CNTNAP4: variants seen among roughly 807,000 people sequenced by gnomAD.
The protein encoded by CNTNAP4 is contactin associated protein family member 4.
Under a neutral mutation model 148.4 loss-of-function variants are expected in CNTNAP4, and 98 were observed. The ratio of observed to expected loss-of-function variants is 0.66; its 90% confidence interval spans 0.56 to 0.78. The LOEUF is 0.78. Ranked by LOEUF, CNTNAP4 falls within the 30% of genes least tolerant of loss-of-function variation. The pLI, the probability that CNTNAP4 is intolerant of heterozygous loss-of-function variation, is 0.00. For missense variants in CNTNAP4, 1,935 were observed against 1,565.6 expected (o/e 1.24, Z -3.98); for synonymous variants, 730 against 565.1 (o/e 1.29, Z -4.14).
rs546728095 is a variant in CNTNAP4, at chr16:76,521,712, C to G, written c.2537-327C>G. On this transcript the variant is annotated intron_variant, in intron 16 of 23. Transcript: ENST00000611870. ...TGAGTTACTGTAACAGTTATTTTTACGTACAATGCCAGTTGCTATTTAGTT... is the reference window on the plus strand; with the variant it reads ...TGAGTTACTGTAACAGTTATTTTTAGGTACAATGCCAGTTGCTATTTAGTT... Among the ~76,000 whole-genome samples the G allele has an allele frequency of 2.6e-5, 4 of 152,202 alleles. No homozygotes were observed. The South Asian group carries it at 8.3e-4, about 32-fold the overall frequency.
rs1344925059 is a variant in CNTNAP4, at chr16:76,303,862, C to T, written c.86-12551C>T. Among the ~76,000 whole-genome samples, 6 of 152,088 alleles carry T rather than the reference C, an allele frequency of 3.9e-5. No individual in the cohort carries two copies. In the East Asian group the frequency reaches 1.2e-3, roughly 29 times the overall value. Reference sequence around the variant, plus strand: ...CTTTTTAAGTAATTCAGTAAAATCCCCTTTTTTTTTAAGAGGGAAGGATAG... The same window carrying T: ...CTTTTTAAGTAATTCAGTAAAATCCTCTTTTTTTTTAAGAGGGAAGGATAG... On this transcript the variant is annotated intron_variant, in intron 1 of 23. Transcript: ENST00000611870.
At position 76,467,358 on chromosome 16, in the gene CNTNAP4, C is replaced by A; in HGVS notation, c.1490C>A (p.Pro497His). 6.2e-7 allele frequency: 1 copy of A among 1,613,618 alleles called. No homozygotes were observed. The highest frequency in any genetic ancestry group is 8.5e-7 in the Non-Finnish European group (1 of 1,179,748). The change falls in exon 10 of 24, where the codon CCT becomes CAT. Residue 497 changes from proline (P) to histidine (H), a missense_variant. By Grantham distance (77) the Pro-to-His change is moderately conservative (BLOSUM62 -2). Transcript: ENST00000611870. ...SGGTYYFGGC[P>H]DKSFGSKCKS... ...TTTATTTCGTTTTTATCAGGTTGTC[C>A]TGACAAAAGCTTTGGATCCAAATGT...
At chr16:76,452,125 T>G (rs936104000) in intron 7 of CNTNAP4, among the ~76,000 whole-genome samples, 1 of 152,142 alleles carries the variant, frequency 6.6e-6, no homozygotes, top group African/African-American at 2.4e-5. Flanking sequence ...TTAGTGTAGT[T>G]TGCTGTTCAG....
At chr16:76,307,503 CATATATATATATATATATATATATATAT>C (rs6145898) in intron 1 of CNTNAP4, among the ~76,000 whole-genome samples, 5 of 91,724 alleles carry the variant, frequency 5.5e-5, no homozygotes, top group East Asian at 1.2e-3. Context: ...ATTTTAAATG[CATATATATATATATATATATATATATAT>C]ATATATATAC....
At chr16:76,286,174 AGTGTGTGT>A (rs57003243) in intron 1 of CNTNAP4, among the ~76,000 whole-genome samples, 5,427 of 134,944 alleles carry the variant, frequency 0.04, 105 homozygotes, top group East Asian at 0.1. Flanking sequence ...TAGAATTATC[AGTGTGTGT>A]GTGTGTGTGT....
chr16:76,360,977 C>T (rs2013358723), intron 3 of CNTNAP4, among the ~76,000 whole-genome samples: 3 of 151,942 alleles, frequency 2.0e-5, no homozygotes, highest in African/African-American at 4.8e-5. Context: ...CCTCCACACC[C>T]GGCTAATTTT....
intron 3 of CNTNAP4, among the ~76,000 whole-genome samples, chr16:76,400,052 G>C (rs762094504): frequency 6.6e-6 from 1 of 152,132 alleles, no homozygotes; most frequent in Non-Finnish European, 1.5e-5. Context: ...TTAGTGTATA[G>C]CAATGTGCTT....
intron 15 of CNTNAP4, among the ~76,000 whole-genome samples, chr16:76,508,822 G>C (rs1163935222): frequency 2.3e-5 from 2 of 85,130 alleles, no homozygotes; most frequent in Admixed American, 1.3e-4. Context: ...GCACGATCTC[G>C]GCTCACTGCA....
intron 3 of CNTNAP4, among the ~76,000 whole-genome samples, chr16:76,397,976 A>G (rs185457309): frequency 0.12 from 9,899 of 82,088 alleles, 1,546 homozygotes; most frequent in Admixed American, 0.2. Flanking sequence ...ATATATATAT[A>G]TATATATATA....
chr16:76,461,692 A>G (rs1252171885), intron 8 of CNTNAP4, among the ~76,000 whole-genome samples: 1 of 152,204 alleles, frequency 6.6e-6, no homozygotes, highest in Non-Finnish European at 1.5e-5. Flanking sequence ...ACATAGATGG[A>G]AGCTGAAATC....
chr16:76,349,420 T>G (rs1431001129), intron 2 of CNTNAP4, among the ~76,000 whole-genome samples: 3 of 152,056 alleles, frequency 2.0e-5, no homozygotes, highest in Non-Finnish European at 4.4e-5. Context: ...ACAGCATCAG[T>G]AGAGTCACGT....
At chr16:76,539,388 T>G (rs2084352597) in intron 19 of CNTNAP4, among the ~76,000 whole-genome samples, 1 of 152,120 alleles carries the variant, frequency 6.6e-6, no homozygotes. Flanking sequence ...TATTGCAATA[T>G]TAAGCAATAG....
At chr16:76,442,003 C>T (rs540397217) in intron 4 of CNTNAP4, among the ~76,000 whole-genome samples, 298 of 152,176 alleles carry the variant, frequency 2.0e-3, no homozygotes, top group Non-Finnish European at 3.0e-3. Context: ...TATCTTAGTC[C>T]CTGAAACCTG....
At position 76,352,967 on chromosome 16, in the gene CNTNAP4, C is replaced by G. The variant is rs140690745; in HGVS notation, c.197-2351C>G. On this transcript the variant is annotated intron_variant, in intron 2 of 23. Coordinates refer to ENST00000611870, the MANE Select transcript of CNTNAP4 (RefSeq NM_033401.5). ...ACCCCAAGACACCAAGGGACCATGT[C>G]TATGCAACAAGCCCTCTTGCTTAAA... Among the ~76,000 whole-genome samples, 398 of 152,290 alleles carry G rather than the reference C, an allele frequency of 2.6e-3. 1 individual carries two copies. The highest frequency in any genetic ancestry group is 3.8e-3 in the Non-Finnish European group (259 of 68,032).
At chr16:76,373,906 A>AAAG (rs2015134775) in intron 3 of CNTNAP4, among the ~76,000 whole-genome samples, 1 of 151,698 alleles carries the variant, frequency 6.6e-6, no homozygotes, top group Non-Finnish European at 1.5e-5. Flanking sequence ...ACAAAAAAAA[A>AAAG]AAAAAAAAGA....
intron 4 of CNTNAP4, among the ~76,000 whole-genome samples, chr16:76,442,943 C>A (rs543802957): frequency 3.3e-5 from 5 of 152,112 alleles, no homozygotes; most frequent in Admixed American, 3.3e-4. Flanking sequence ...ACTATGCCAA[C>A]ATGAAATATA....
At chr16:76,303,169 G>A (rs1960156932) in intron 1 of CNTNAP4, among the ~76,000 whole-genome samples, 1 of 152,054 alleles carries the variant, frequency 6.6e-6, no homozygotes, top group South Asian at 2.1e-4. Flanking sequence ...TCATGTTATT[G>A]CTCAGAGAAG....
At chr16:76,323,656 G>T (rs922575178) in intron 2 of CNTNAP4, among the ~76,000 whole-genome samples, 2 of 152,030 alleles carry the variant, frequency 1.3e-5, no homozygotes, top group African/African-American at 4.8e-5. Context: ...CTTGGCTTTC[G>T]ATATTGCCCT....
intron 23 of CNTNAP4, among the ~76,000 whole-genome samples, chr16:76,555,635 A>T (rs1198559304): frequency 6.6e-6 from 1 of 152,228 alleles, no homozygotes; most frequent in Non-Finnish European, 1.5e-5. Flanking sequence ...CAAAATATTT[A>T]ATCTCTAGAC....
Sources: allele counts gnomAD v4.1 joint callset (sites outside exome capture counted in the v4.1 genomes callset), GRCh38; gene constraint gnomAD v4.1.1; transcripts MANE v1.5; gene names NCBI Gene and HGNC (gene_info 2026-07-23, HGNC 2026-07-21).